Variants in C16orf96 observed in about 807,000 individuals in gnomAD.
The protein encoded by C16orf96 is chromosome 16 open reading frame 96, also known as uncharacterized protein C16orf96.
C16orf96 carries 108 observed loss-of-function variants against 103.6 expected under a neutral mutation model. That is an observed-to-expected ratio of 1.04 (90% CI 0.89 to 1.22). The LOEUF is 1.22. Among genes scored for constraint, C16orf96 ranks in the 50% most tolerant of loss-of-function variants. C16orf96 has a pLI of 0.00. For missense variants in C16orf96, 1,586 were observed against 1,464.2 expected (o/e 1.08, Z -1.36); for synonymous variants, 566 against 593.5 (o/e 0.95, Z 0.67).
intron 1 of C16orf96, among the ~76,000 whole-genome samples, chr16:4,557,347 G>A (rs1005399369): frequency 1.3e-5 from 2 of 152,104 alleles, no homozygotes; most frequent in Admixed American, 6.6e-5. Flanking sequence ...GGGTGCTTTA[G>A]AGTCAGGCAC....
At chr16:4,571,400 A>G (rs978801372) in intron 1 of C16orf96, among the ~76,000 whole-genome samples, 161 bp from the exon 2 acceptor site, 1 of 152,108 alleles carries the variant, frequency 6.6e-6, no homozygotes, top group Non-Finnish European at 1.5e-5. Context: ...AGCACTGTTG[A>G]CTTTAGTAGC....
chr16:4,599,220 A>C, intron 14 of C16orf96, 64 bp from the exon 15 acceptor site: 1 of 1,420,902 alleles, frequency 7.0e-7, no homozygotes. Flanking sequence ...CAGTGCTGGG[A>C]TCGGCCTGAC....
the C16orf96 span, among the ~76,000 whole-genome samples, chr16:4,543,706 G>A: frequency 2.0e-5 from 3 of 151,898 alleles, no homozygotes; most frequent in South Asian, 2.1e-4. Context: ...TTGCAGTGGC[G>A]CGATCTTGGC....
intron 1 of C16orf96, among the ~76,000 whole-genome samples, chr16:4,569,721 A>G (rs2059417428): frequency 6.6e-6 from 1 of 150,608 alleles, no homozygotes; most frequent in African/African-American, 2.4e-5. Flanking sequence ...AAAAGAAGGC[A>G]AAGATAGTCT....
chr16:4,569,980 C>T (rs1038344069), intron 1 of C16orf96, among the ~76,000 whole-genome samples: 5 of 152,310 alleles, frequency 3.3e-5, no homozygotes, highest in East Asian at 1.9e-4. Flanking sequence ...TAAGACATCA[C>T]GCTCAAAAGG....
At chr16:4,595,335 A>C (rs1897148233) in intron 14 of C16orf96, among the ~76,000 whole-genome samples, 1 of 152,154 alleles carries the variant, frequency 6.6e-6, no homozygotes, top group Admixed American at 6.5e-5. Flanking sequence ...GTGGGGTGAC[A>C]AGGAGGAGAC....
chr16:4,573,491 G>A (rs1446234613), intron 2 of C16orf96, among the ~76,000 whole-genome samples: 2 of 144,602 alleles, frequency 1.4e-5, no homozygotes, highest in South Asian at 2.2e-4. Context: ...GGTGGTTCAC[G>A]CCTGTAATCT....
chr16:4,554,241 G>C (rs916183275), upstream of C16orf96, among the ~76,000 whole-genome samples: 3 of 152,210 alleles, frequency 2.0e-5, no homozygotes, highest in Non-Finnish European at 2.9e-5. Context: ...CAGGGGTTGT[G>C]AAGAGCCCAG....
intron 7 of C16orf96, among the ~76,000 whole-genome samples, chr16:4,582,576 C>A (rs151308496): frequency 6.6e-6 from 1 of 152,054 alleles, no homozygotes; most frequent in African/African-American, 2.4e-5. Flanking sequence ...TCTGGAGATG[C>A]TGGGCCGAGT....
chr16:4,594,858 G>A lies in C16orf96; in HGVS notation c.3127+55G>A, dbSNP rs111592376. The A allele has an allele frequency of 5.9e-6, 9 of 1,524,526 alleles. No homozygotes were observed. The African/African-American group carries it at 8.3e-5, about 14-fold the overall frequency. The allele number at this position is 1,524,526 out of a possible 1,614,324, so 94.4% of individuals were successfully genotyped here. A position where few individuals can be genotyped will look rare whatever the true frequency, so the allele number is the denominator to read the frequency against. ...CTTGCCTGGGGCCCTGGTTCTGCTG[G>A]GCAGGGTGAGAGGGTGCAGGTGGGG... On this transcript the variant is annotated intron_variant, in intron 14 of 15. Transcript: ENST00000444310.
chr16:4,572,989 C>T (rs111864407), intron 2 of C16orf96, among the ~76,000 whole-genome samples: 4,877 of 152,188 alleles, frequency 0.032, 280 homozygotes, highest in African/African-American at 0.11. Flanking sequence ...TGTATCATCC[C>T]GGCTTCACAG....
At chr16:4,587,183 C>A in intron 8 of C16orf96, 70 bp downstream of exon 8, 2 of 1,384,098 alleles carry the variant, frequency 1.4e-6, no homozygotes, top group Non-Finnish European at 2.0e-6. Context: ...CCAGGCAAAG[C>A]CCACCAAAGA....
the C16orf96 span, among the ~76,000 whole-genome samples, chr16:4,543,991 A>C: frequency 6.6e-6 from 1 of 151,998 alleles, no homozygotes; most frequent in Non-Finnish European, 1.5e-5. Context: ...GGGGGTGCAA[A>C]TTTGAGGCAG....
Position 4,594,392 on chromosome 16 carries a change from A to C in C16orf96, c.2909A>C (p.Glu970Ala). The C allele has an allele frequency of 5.9e-6, 9 of 1,530,186 alleles. No individual in the cohort carries two copies. Among genetic ancestry groups the C allele is most frequent in the Non-Finnish European group, 7.9e-6 (9 of 1,141,908 alleles). The allele number at this position is 1,530,186 out of a possible 1,614,324, so 94.8% of individuals were successfully genotyped here. Residue 970 changes from glutamate (E) to alanine (A), a missense_variant, in exon 13 of 16, where the codon GAG (glutamate) becomes GCG (alanine). Coordinates refer to ENST00000444310, the MANE Select transcript of C16orf96 (RefSeq NM_001145011.2). ...WLQLQDLGIQ[E>A]DCQQDWGDGP... ...CAGCTCCAGGACCTCGGTATCCAGG[A>C]GGATTGTCAGCAGGACTGGGGTGAT...
the C16orf96 span, among the ~76,000 whole-genome samples, chr16:4,539,325 A>T: frequency 9.9e-5 from 15 of 152,038 alleles, no homozygotes; most frequent in Non-Finnish European, 2.1e-4. Context: ...CCCAAAACAA[A>T]CCCCCTTGTT....
At chr16:4,598,891 G>A (rs144943289) in intron 14 of C16orf96, among the ~76,000 whole-genome samples, 45 of 152,302 alleles carry the variant, frequency 3.0e-4, no homozygotes, top group African/African-American at 1.0e-3. Flanking sequence ...GTCAAGGTGG[G>A]AGGATAGCTT....
chr16:4,588,478 T>C, intron 9 of C16orf96, 147 bp downstream of exon 9: 1 of 901,668 alleles, frequency 1.1e-6, no homozygotes, highest in Non-Finnish European at 1.6e-6. Flanking sequence ...GGGTTTCCTG[T>C]GAAATTGCAG....
In C16orf96 at chr16:4,599,292, G is replaced by T; in HGVS notation, c.3136G>T (p.Ala1046Ser). The T allele has an allele frequency of 6.4e-7, 1 of 1,551,520 alleles. No individual in the cohort carries two copies. The highest frequency in any genetic ancestry group is 8.7e-7 in the Non-Finnish European group (1 of 1,146,922). Residue 1046 changes from alanine to serine, a missense_variant, in exon 15 of 16, where the codon GCT becomes TCT. Transcript: ENST00000444310. ...AVAKELAAVKAPSPPSQSLYD... is the reference protein window; with the variant it reads ...AVAKELAAVKSPSPPSQSLYD... Reference sequence around the variant, plus strand: ...TTTTCTTTTCTGCTAAGCTGTGAAGGCTCCATCTCCCCCGTCACAAAGCCT... The same window carrying T: ...TTTTCTTTTCTGCTAAGCTGTGAAGTCTCCATCTCCCCCGTCACAAAGCCT...
the C16orf96 span, among the ~76,000 whole-genome samples, chr16:4,544,664 A>G: frequency 0.015 from 2,223 of 152,214 alleles, 58 homozygotes; most frequent in African/African-American, 0.05. Context: ...CCTAATAGCA[A>G]TTTCACGGGG....
Sources: allele counts gnomAD v4.1 joint callset (sites outside exome capture counted in the v4.1 genomes callset), GRCh38; gene constraint gnomAD v4.1.1; transcripts MANE v1.5; gene names NCBI Gene and HGNC (gene_info 2026-07-23, HGNC 2026-07-21).